Variants in RASAL2 observed in about 807,000 individuals in gnomAD.
RASAL2 encodes RAS protein activator like 2, also known as ras GTPase-activating protein nGAP.
A neutral mutation model predicts 128.9 loss-of-function variants in RASAL2; 58 were observed. The ratio of observed to expected loss-of-function variants is 0.45; its 90% CI spans 0.36 to 0.56. RASAL2 has a LOEUF of 0.56. RASAL2 is among the 20% of genes least tolerant of loss of function. RASAL2 has a pLI of 0.00. For synonymous variants in RASAL2, 561 were observed against 580.8 expected, an observed-to-expected ratio of 0.97 and a Z score of 0.49; for missense variants, 1,360 against 1,601.6, an observed-to-expected ratio of 0.85 and a Z score of 2.57.
chr1:178,396,908 A>AAG (rs1673272659), intron 4 of RASAL2, among the ~76,000 whole-genome samples: 1 of 152,128 alleles, frequency 6.6e-6, no homozygotes, highest in Non-Finnish European at 1.5e-5. Flanking sequence ...CACACATGAA[A>AAG]AGATGCTCAA....
At chr1:178,432,156 A>T (rs1675957446) in intron 5 of RASAL2, among the ~76,000 whole-genome samples, 1 of 151,780 alleles carries the variant, frequency 6.6e-6, no homozygotes, top group African/African-American at 2.4e-5. Flanking sequence ...TTTTTAAAAA[A>T]CCTGTTTCAA....
At chr1:178,196,637 A>T (rs1324501197) in intron 1 of RASAL2, among the ~76,000 whole-genome samples, 1 of 152,216 alleles carries the variant, frequency 6.6e-6, no homozygotes, top group African/African-American at 2.4e-5. Flanking sequence ...ATACAAGAGG[A>T]TGTGCCTGGG....
At chr1:178,263,755 A>AT (rs1665807212) in intron 1 of RASAL2, among the ~76,000 whole-genome samples, 1 of 151,914 alleles carries the variant, frequency 6.6e-6, no homozygotes, top group Non-Finnish European at 1.5e-5. Flanking sequence ...GGGTCTCACT[A>AT]TTTTGCCTAG....
At chr1:178,367,098 A>G (rs1441648379) in intron 3 of RASAL2, among the ~76,000 whole-genome samples, 1 of 152,212 alleles carries the variant, frequency 6.6e-6, no homozygotes, top group Non-Finnish European at 1.5e-5. Flanking sequence ...TTAAAAAAGT[A>G]AAACCTTGCC....
At chr1:178,414,961 C>G (rs538549395) in intron 4 of RASAL2, among the ~76,000 whole-genome samples, 1 of 152,166 alleles carries the variant, frequency 6.6e-6, no homozygotes, top group East Asian at 1.9e-4. Flanking sequence ...TTTGGGTCAT[C>G]TCTATTTTTT....
At chr1:178,315,596 A>T (rs1668471129) in intron 3 of RASAL2, among the ~76,000 whole-genome samples, 1 of 138,142 alleles carries the variant, frequency 7.2e-6, no homozygotes, top group Admixed American at 7.0e-5. Context: ...TTCTTTTGAG[A>T]AGTGTCTGTT....
At chr1:178,179,948 G>A (rs1016545098) in intron 1 of RASAL2, among the ~76,000 whole-genome samples, 13 of 152,230 alleles carry the variant, frequency 8.5e-5, no homozygotes, top group South Asian at 6.2e-4. Context: ...TACATTCAAC[G>A]TTTACAAAAT....
chr1:178,112,926 G>GA (rs1019877294), intron 1 of RASAL2, among the ~76,000 whole-genome samples: 11 of 151,260 alleles, frequency 7.3e-5, no homozygotes, highest in Non-Finnish European at 1.5e-4. Flanking sequence ...AGAAAAAAAA[G>GA]AAAAAAAAGA....
intron 4 of RASAL2, among the ~76,000 whole-genome samples, chr1:178,401,024 T>TA (rs1215136776): frequency 1.3e-5 from 2 of 152,210 alleles, no homozygotes; most frequent in Non-Finnish European, 2.9e-5. Flanking sequence ...GTGCTGGAAT[T>TA]ACAGGCGTGA....
At chr1:178,360,832 T>C (rs1000057627) in intron 3 of RASAL2, among the ~76,000 whole-genome samples, 3 of 152,234 alleles carry the variant, frequency 2.0e-5, no homozygotes, top group Admixed American at 1.3e-4. Context: ...TTGGTGTTCC[T>C]TGGTTTGTAG....
At chr1:178,186,297 A>G (rs1318251468) in intron 1 of RASAL2, among the ~76,000 whole-genome samples, 2 of 149,044 alleles carry the variant, frequency 1.3e-5, no homozygotes, top group Non-Finnish European at 3.0e-5. Flanking sequence ...GTAGAGATTT[A>G]TCTATTTTGT....
chr1:178,389,623 T>G (rs181116543), intron 3 of RASAL2, among the ~76,000 whole-genome samples: 1 of 152,342 alleles, frequency 6.6e-6, no homozygotes, highest in East Asian at 1.9e-4. Context: ...TCATGGCCCT[T>G]TTGTTGCAGT....
At chr1:178,352,055 A>G (rs899727267) in intron 3 of RASAL2, among the ~76,000 whole-genome samples, 3 of 152,210 alleles carry the variant, frequency 2.0e-5, no homozygotes. Flanking sequence ...ATTTCAGAAA[A>G]ATTGAATTCA....
chr1:178,148,978 C>A (rs138209317), intron 1 of RASAL2, among the ~76,000 whole-genome samples: 134 of 152,252 alleles, frequency 8.8e-4, no homozygotes, highest in African/African-American at 2.7e-3. Context: ...TTCCTATTCT[C>A]ATTCTCTCTC....
intron 3 of RASAL2, among the ~76,000 whole-genome samples, chr1:178,341,763 A>G (rs760778491): frequency 1.3e-5 from 2 of 152,224 alleles, no homozygotes; most frequent in Non-Finnish European, 2.9e-5. Context: ...GTTCACAGAA[A>G]TACTGTGTGG....
At chr1:178,321,616 A>C (rs1294731855) in intron 3 of RASAL2, among the ~76,000 whole-genome samples, 1 of 151,684 alleles carries the variant, frequency 6.6e-6, no homozygotes, top group East Asian at 1.9e-4. Flanking sequence ...GGCTCAAGTG[A>C]TCCTCCCCTG....
intron 1 of RASAL2, among the ~76,000 whole-genome samples, chr1:178,094,993 A>G (rs1019479459): frequency 5.3e-5 from 8 of 152,206 alleles, no homozygotes; most frequent in African/African-American, 9.6e-5. Context: ...CAGGCAATCA[A>G]TCTTCAAGAA....
chr1:178,458,873 C>G (rs1400065988), intron 14 of RASAL2, among the ~76,000 whole-genome samples: 6 of 152,134 alleles, frequency 3.9e-5, no homozygotes, highest in Admixed American at 3.9e-4. Flanking sequence ...GTAGGCAAAA[C>G]CAGCTATTAT....
In RASAL2 at chr1:178,458,951, C is replaced by A. The variant is rs137997949; in HGVS notation, c.3252+407C>A. Among the ~76,000 whole-genome samples, 261 of 152,248 alleles carry A rather than the reference C, an allele frequency of 1.7e-3. 1 individual carries two copies. Among genetic ancestry groups the A allele is most frequent in the African/African-American group, 6.1e-3 (253 of 41,552 alleles). ...AGCTTCCAGAATAAAGGTTTGCATT[C>A]CGAGCCAAGAGTTTAATATGACTGC... On this transcript the variant is annotated intron_variant, in intron 14 of 17. Transcript: ENST00000367649.
Sources: allele counts gnomAD v4.1 joint callset (sites outside exome capture counted in the v4.1 genomes callset), GRCh38; gene constraint gnomAD v4.1.1; transcripts MANE v1.5; gene names NCBI Gene and HGNC (gene_info 2026-07-23, HGNC 2026-07-21).